Variants in AGAP1 observed in about 807,000 individuals in gnomAD.
AGAP1 encodes arf-GAP with GTPase, ANK repeat and PH domain-containing protein 1.
A neutral mutation model predicts 105.3 loss-of-function variants in AGAP1; 29 were observed. The ratio of observed to expected loss-of-function variants is 0.28; its 90% CI spans 0.21 to 0.38. The LOEUF (loss-of-function observed/expected upper bound fraction) is 0.38, where lower values mean the gene tolerates loss of function less well. AGAP1 is among the 10% of genes least tolerant of loss of function. The pLI is 1.00. For synonymous variants in AGAP1, 509 were observed against 485.9 expected, an observed-to-expected ratio of 1.05 and a Z score of -0.63; for missense variants, 998 against 1,165.1, an observed-to-expected ratio of 0.86 and a Z score of 2.09.
rs1309925086 is a variant in AGAP1, at chr2:236,005,533, T to C, written c.1646-31028T>C. On this transcript the variant is annotated intron_variant, in intron 13 of 17. Transcript: ENST00000304032. The surrounding 1 kb of genome is among the most constrained non-coding windows in gnomAD (Gnocchi z 4.1). ...TATGTTTTTATTAAAGTCCACACTTTATTTGCATCTCTTTAGCTTTAACCT... is the reference window on the plus strand; with the variant it reads ...TATGTTTTTATTAAAGTCCACACTTCATTTGCATCTCTTTAGCTTTAACCT... Among the ~76,000 whole-genome samples, 1 of 152,264 alleles carries C rather than the reference T, an allele frequency of 6.6e-6. No individual in the cohort carries two copies. Among genetic ancestry groups the C allele is most frequent in the Non-Finnish European group, 1.5e-5 (1 of 68,048 alleles).
chr2:235,897,141 G>A (rs2050845289), intron 10 of AGAP1, among the ~76,000 whole-genome samples: 1 of 152,060 alleles, frequency 6.6e-6, no homozygotes, highest in Non-Finnish European at 1.5e-5. Context: ...GGAGTGCTGT[G>A]GCGTGATCTC....
intron 13 of AGAP1, among the ~76,000 whole-genome samples, chr2:236,031,135 A>G (rs1477589135): frequency 6.6e-6 from 1 of 152,196 alleles, no homozygotes; most frequent in Admixed American, 6.5e-5. Context: ...GATTAGATAT[A>G]TGAATTGGAG....
intron 12 of AGAP1, among the ~76,000 whole-genome samples, chr2:235,955,709 A>C (rs1173812553): frequency 1.3e-5 from 2 of 152,182 alleles, no homozygotes; most frequent in African/African-American, 4.8e-5. Flanking sequence ...GGGCTTCTGC[A>C]TATCAGGTTT....
chr2:235,692,369 G>T lies in AGAP1; in HGVS notation c.164-16810G>T, dbSNP rs745780580. On this transcript the variant is annotated intron_variant, in intron 1 of 17. Transcript: ENST00000304032. The surrounding 1 kb of genome is among the most constrained non-coding windows in gnomAD (Gnocchi z 5.8). Reference sequence around the variant, plus strand: ...TGGGCCGTCCACTTTGCTCCTTTGTGCCTGCACTGCCAGGTGCACATCGAG... The same window carrying T: ...TGGGCCGTCCACTTTGCTCCTTTGTTCCTGCACTGCCAGGTGCACATCGAG... Among the ~76,000 whole-genome samples, 6 of 152,126 alleles carry T rather than the reference G, an allele frequency of 3.9e-5. No individual in the cohort carries two copies. Among genetic ancestry groups the T allele is most frequent in the African/African-American group, 7.2e-5 (3 of 41,422 alleles).
chr2:236,042,999 G>C lies in AGAP1; in HGVS notation c.1891+2158G>C, dbSNP rs2057600594. On this transcript the variant is annotated intron_variant, in intron 15 of 17. Transcript: ENST00000304032. The surrounding 1 kb of genome is among the most constrained non-coding windows in gnomAD (Gnocchi z 5.6). ...CTGAAGGGTCAAGTCATTTGTCTGA[G>C]GTCACAGAAATAGCAAGTCCCAAAG... 6.6e-6 allele frequency among the ~76,000 whole-genome samples: 1 copy of C among 152,194 alleles called. No individual in the cohort carries two copies. The highest frequency in any genetic ancestry group is 1.5e-5 in the Non-Finnish European group (1 of 68,030).
Position 236,009,713 on chromosome 2 carries a change from T to C in AGAP1, c.1646-26848T>C, listed in dbSNP as rs1265896896. 6.6e-6 allele frequency among the ~76,000 whole-genome samples: 1 copy of C among 152,204 alleles called. No individual in the cohort carries two copies. The highest frequency in any genetic ancestry group is 1.5e-5 in the Non-Finnish European group (1 of 68,034). ...GGTAAAAAGATCCTATTAGTTCTCATAATTGATTCTGAGGGCTGCAGCGTG... is the reference window on the plus strand; with the variant it reads ...GGTAAAAAGATCCTATTAGTTCTCACAATTGATTCTGAGGGCTGCAGCGTG... On this transcript the variant is annotated intron_variant, in intron 13 of 17. Coordinates refer to ENST00000304032, the MANE Select transcript of AGAP1 (RefSeq NM_001037131.3). The surrounding 1 kb of genome is among the most constrained non-coding windows in gnomAD (Gnocchi z 4.2).
At position 235,919,018 on chromosome 2, in the gene AGAP1, CTT is replaced by C. The variant is rs2052037078; in HGVS notation, c.1324+10118_1324+10119del. ...AAGTAAATAAAAGGTGCTTCAAACA[CTT>C]TTTTTCTCTCAAAAATGTGTGTGGG... On this transcript the variant is annotated intron_variant, in intron 11 of 17. Transcript: ENST00000304032. The surrounding 1 kb of genome is among the most constrained non-coding windows in gnomAD (Gnocchi z 4.1). 6.6e-6 allele frequency among the ~76,000 whole-genome samples: 1 copy of C among 152,138 alleles called. No individual in the cohort carries two copies. Among genetic ancestry groups the C allele is most frequent in the Non-Finnish European group, 1.5e-5 (1 of 67,994 alleles).
chr2:235,558,988 T>C (rs1212063785), intron 1 of AGAP1, among the ~76,000 whole-genome samples: 2 of 152,130 alleles, frequency 1.3e-5, no homozygotes, highest in Non-Finnish European at 2.9e-5. Context: ...GGTGGTGTGA[T>C]CTCTGCTCAC....
rs1293727747 is a variant in AGAP1, at chr2:235,976,370, C to T, written c.1645+7747C>T. ...AGCCATCCTGCAGGGTACAGTCCGG[C>T]CGCCACAAACACACACAAGCAGTAA... is the stretch of plus-strand genomic sequence containing the variant. On this transcript the variant is annotated intron_variant, in intron 13 of 17. Transcript: ENST00000304032. This position sits in a 1 kb window ranked among gnomAD's most constrained non-coding sequence, Gnocchi z 4.5. Among the ~76,000 whole-genome samples, 1 of 152,144 alleles carries T rather than the reference C, an allele frequency of 6.6e-6. No individual in the cohort carries two copies. Among genetic ancestry groups the T allele is most frequent in the African/African-American group, 2.4e-5 (1 of 41,440 alleles).
chr2:235,984,726 G>C (rs1232168121), intron 13 of AGAP1, among the ~76,000 whole-genome samples: 1 of 152,022 alleles, frequency 6.6e-6, no homozygotes, highest in Non-Finnish European at 1.5e-5. Context: ...TCCTGTGTTA[G>C]TTCGCCGAGG....
At chr2:236,117,293 C>A (rs2059794248) in intron 16 of AGAP1, among the ~76,000 whole-genome samples, 1 of 152,132 alleles carries the variant, frequency 6.6e-6, no homozygotes, top group African/African-American at 2.4e-5. Flanking sequence ...TATGGCCATT[C>A]TTGAAGGATG....
In AGAP1 at chr2:235,953,203, A is replaced by T. The variant is rs1559688528; in HGVS notation, c.1484-15259A>T. Among the ~76,000 whole-genome samples, 1 of 152,186 alleles carries T rather than the reference A, an allele frequency of 6.6e-6. No homozygotes were observed. The highest frequency in any genetic ancestry group is 1.5e-5 in the Non-Finnish European group (1 of 68,028). ...GAACAAGAAGTTTTTCAAATATTTT[A>T]GGTGTTTACAAAATATTTCTATGAG... On this transcript the variant is annotated intron_variant, in intron 12 of 17. Coordinates refer to ENST00000304032, the MANE Select transcript of AGAP1 (RefSeq NM_001037131.3). This position sits in a 1 kb window ranked among gnomAD's most constrained non-coding sequence, Gnocchi z 5.2.
chr2:235,601,529 C>G lies in AGAP1; in HGVS notation c.163+106680C>G, dbSNP rs1028623322. Among the ~76,000 whole-genome samples, 1 of 152,130 alleles carries G rather than the reference C, an allele frequency of 6.6e-6. No homozygotes were observed. Among genetic ancestry groups the G allele is most frequent in the East Asian group, 1.9e-4 (1 of 5,186 alleles). On this transcript the variant is annotated intron_variant, in intron 1 of 17. Transcript: ENST00000304032. The surrounding 1 kb of genome is among the most constrained non-coding windows in gnomAD (Gnocchi z 4.4). ...TCTAACATGGGGGCAGGCAAGAGAG[C>G]TTGCTCAGGCGAACTCCCGTTTATA...
chr2:235,709,427 G>A (rs1287327236), intron 2 of AGAP1, among the ~76,000 whole-genome samples, 190 bp downstream of exon 2: 1 of 152,088 alleles, frequency 6.6e-6, no homozygotes, highest in African/African-American at 2.4e-5. Context: ...AGTGCCCCTG[G>A]GACAGCTATG....
Position 235,865,011 on chromosome 2 carries a change from C to G in AGAP1, c.1051-18334C>G, listed in dbSNP as rs1165415325. 6.6e-6 allele frequency among the ~76,000 whole-genome samples: 1 copy of G among 152,140 alleles called. No homozygotes were observed. The highest frequency in any genetic ancestry group is 1.9e-4 in the East Asian group (1 of 5,192). The stretch of plus-strand genomic sequence containing the variant: ...ACACAACAAACTTTTTATTTCTTTC[C>G]CTGTCATTGTTCTTGGTCTTGTTAT... On this transcript the variant is annotated intron_variant, in intron 9 of 17. Coordinates refer to ENST00000304032, the MANE Select transcript of AGAP1 (RefSeq NM_001037131.3). This position sits in a 1 kb window ranked among gnomAD's most constrained non-coding sequence, Gnocchi z 6.2.
intron 13 of AGAP1, among the ~76,000 whole-genome samples, chr2:235,996,497 A>C (rs2055822517): frequency 6.6e-6 from 1 of 152,226 alleles, no homozygotes; most frequent in African/African-American, 2.4e-5. Context: ...CTTGCCTTTT[A>C]ATTTAAATGC....
chr2:236,107,103 G>A (rs1199262555), intron 16 of AGAP1, among the ~76,000 whole-genome samples: 6 of 151,486 alleles, frequency 4.0e-5, no homozygotes, highest in Non-Finnish European at 5.9e-5. Context: ...CTCTTTACCC[G>A]TTCCCCCCCG....
Position 235,797,839 on chromosome 2 carries a change from C to G in AGAP1, c.754C>G (p.His252Asp). Residue 252 changes from histidine (H) to aspartate (D), a missense_variant, in exon 7 of 18, where the codon CAT (histidine) becomes GAT (aspartate). His to Asp is a moderately conservative substitution (Grantham distance 81). This residue lies in a region of AGAP1 where 735 missense variants were observed against 833.4 expected (regional missense o/e 0.88). Coordinates refer to ENST00000304032, the MANE Select transcript of AGAP1 (RefSeq NM_001037131.3). ...PCKSLPNSPSHSSVCSAQVSA... is the reference protein window; with the variant it reads ...PCKSLPNSPSDSSVCSAQVSA... ...CAAGTCGCTACCTAATTCTCCCAGC[C>G]ATTCCTCCGTCTGTTCCGCGCAGGT... is the stretch of plus-strand genomic sequence containing the variant. 1 of 1,614,216 alleles carries G rather than the reference C, an allele frequency of 6.2e-7. No homozygotes were observed. The highest frequency in any genetic ancestry group is 8.5e-7 in the Non-Finnish European group (1 of 1,180,042).
In AGAP1 at chr2:236,012,338, CA is replaced by C. The variant is rs148838429; in HGVS notation, c.1646-24221del. Among the ~76,000 whole-genome samples the C allele has an allele frequency of 0.021, 3,245 of 152,136 alleles. 113 individuals are homozygous for C. Among genetic ancestry groups the C allele is most frequent in the African/African-American group, 0.075 (3,097 of 41,480 alleles). On this transcript the variant is annotated intron_variant, in intron 13 of 17. Coordinates refer to ENST00000304032, the MANE Select transcript of AGAP1 (RefSeq NM_001037131.3). The surrounding 1 kb of genome is among the most constrained non-coding windows in gnomAD (Gnocchi z 4.9). ...GCCTATTTATATGTAAATATTGCTGCAAGAGGTAAGTTGTACTCTTGAGGAG... is the reference window on the plus strand; with the variant it reads ...GCCTATTTATATGTAAATATTGCTGCAGAGGTAAGTTGTACTCTTGAGGAG...
Sources: gnomAD v4.1 joint callset for allele counts (sites outside exome capture counted in the v4.1 genomes callset) on GRCh38, gnomAD v4.1.1 for gene constraint, gnomAD v4.1.1 regional missense constraint, Gnocchi (gnomAD v3.1) non-coding constraint, MANE v1.5 for transcripts, NCBI Gene and HGNC (gene_info 2026-07-23, HGNC 2026-07-21) for gene names.